The following FAM221A variants were observed in gnomAD, a reference collection of about 807,000 sequenced individuals.
The protein encoded by FAM221A is protein FAM221A.
In FAM221A, 43 loss-of-function variants were observed where a neutral mutation model predicts 37.6. The ratio of observed to expected loss-of-function variants is 1.15; its 90% CI spans 0.90 to 1.48. The LOEUF is 1.48. FAM221A is among the 40% of genes most tolerant of loss of function. The probability of loss-of-function intolerance (pLI) is 0.00; values close to 1 mark genes in which losing one functional copy is unlikely to be tolerated. For missense variants in FAM221A, 361 were observed against 361.5 expected (o/e 1.00, Z 0.01); for synonymous variants, 135 against 132.9 (o/e 1.02, Z -0.11).
At chr7:23,701,849 G>A (rs1212714398) in intron 6 of FAM221A, among the ~76,000 whole-genome samples, 1 of 152,104 alleles carries the variant, frequency 6.6e-6, no homozygotes, top group Non-Finnish European at 1.5e-5. Context: ...TAATTTTAGT[G>A]GCAATTGAAA....
At position 23,702,466 on chromosome 7, in the gene FAM221A, T is replaced by TA. The variant is rs917205115; in HGVS notation, c.*308dup. On this transcript the variant is annotated 3_prime_UTR_variant, in exon 7 of 7. Coordinates refer to ENST00000344962, the MANE Select transcript of FAM221A (RefSeq NM_199136.5). The stretch of plus-strand genomic sequence containing the variant: ...TAATAATTTAACTGTTTCAGGTATT[T>TA]AAAAAATTAAAGATATTATCAAGGG... The TA allele has an allele frequency of 5.0e-4, 89 of 176,684 alleles. No homozygotes were observed. Among genetic ancestry groups the TA allele is most frequent in the African/African-American group, 2.0e-3 (86 of 42,572 alleles). 10.9% of individuals were successfully genotyped at this position (176,684 alleles called of 1,614,324 possible). A position where few individuals can be genotyped will look rare whatever the true frequency, so the allele number is the denominator to read the frequency against.
intron 3 of FAM221A, 128 bp from the exon 4 acceptor site, chr7:23,691,262 G>A (rs1004072958): frequency 8.1e-6 from 6 of 740,840 alleles, no homozygotes; most frequent in African/African-American, 5.2e-5. Flanking sequence ...GAAGGAGTTC[G>A]GTGGCTGGAG....
rs867316869 is a variant in FAM221A, at chr7:23,700,834, A to T, written c.794A>T (p.Asp265Val). ...VSSLRRPEED[D>V]MAFFERRYQE... ...TCATTAAGGAGACCTGAAGAGGATG[A>T]TATGGCTTTCTTTGAAAGACGATAC... Residue 265 changes from aspartate to valine, a missense_variant, in exon 6 of 7, where the codon GAT becomes GTT. Physicochemically the swap from Asp to Val is radical, Grantham distance 152. Coordinates refer to ENST00000344962, the MANE Select transcript of FAM221A (RefSeq NM_199136.5). 5.0e-6 allele frequency: 8 copies of T among 1,609,740 alleles called. No homozygotes were observed. In the Middle Eastern group the frequency reaches 1.2e-3, roughly 233 times the overall value.
intron 1 of FAM221A, among the ~76,000 whole-genome samples, chr7:23,682,307 C>T (rs1784087796): frequency 6.6e-6 from 1 of 151,632 alleles, no homozygotes; most frequent in Non-Finnish European, 1.5e-5. Context: ...CTCAAGCAAT[C>T]CTCCCACCTC....
rs766535438 is a variant in FAM221A, at chr7:23,698,273, GTTC to G, written c.724_726del (p.Ser242del). 5.1e-6 allele frequency: 8 copies of G among 1,581,430 alleles called. No homozygotes were observed. The highest frequency in any genetic ancestry group is 2.3e-5 in the East Asian group (1 of 43,708). ...CTAAAAGCATTTCAAGCATCATCTAGTTCTTCTCCAGAAACGTTAACAGATGGT... is the reference window on the plus strand; with the variant it reads ...CTAAAAGCATTTCAAGCATCATCTAGTTCTCCAGAAACGTTAACAGATGGT... On this transcript the variant is annotated inframe_deletion, in exon 5 of 7. Transcript: ENST00000344962.
chr7:23,690,234 A>G (rs1342854666), intron 3 of FAM221A, among the ~76,000 whole-genome samples: 2 of 117,518 alleles, frequency 1.7e-5, no homozygotes, highest in Non-Finnish European at 3.4e-5. Flanking sequence ...TGCTCTTGTC[A>G]CCCAGGCTCT....
chr7:23,690,199 A>ATATATATATATATATTTTTT (rs774313037), intron 3 of FAM221A, among the ~76,000 whole-genome samples: 1 of 48,736 alleles, frequency 2.1e-5, no homozygotes, highest in Admixed American at 3.0e-4. Flanking sequence ...ATATATATAT[A>ATATATATATATATATTTTTT]TTTTTTTTTT....
intron 4 of FAM221A, chr7:23,692,088 T>G: frequency 2.2e-6 from 1 of 455,004 alleles, no homozygotes; most frequent in Non-Finnish European, 2.9e-6. Flanking sequence ...AAAATATGTA[T>G]ATATGTATGT....
chr7:23,692,269 T>A (rs184537666), intron 4 of FAM221A: 1 of 786,680 alleles, frequency 1.3e-6, no homozygotes, highest in African/African-American at 1.8e-5. Context: ...TAAGTTTTTT[T>A]TTTCTTTTTT....
chr7:23,689,225 T>A (rs1243603054), intron 2 of FAM221A, 44 bp from the exon 3 acceptor site: 33 of 1,267,696 alleles, frequency 2.6e-5, no homozygotes, highest in Non-Finnish European at 3.5e-5. Context: ...TTTTTGATAA[T>A]ACCTGTATTG....
chr7:23,686,561 C>T (rs965993864), intron 2 of FAM221A: 2 of 203,834 alleles, frequency 9.8e-6, no homozygotes, highest in African/African-American at 4.8e-5. Context: ...CCACCATGCT[C>T]AGCTGACCCA....
chr7:23,690,199 A>ATATATATATATATATTTTT (rs774313037), intron 3 of FAM221A, among the ~76,000 whole-genome samples: 4 of 48,736 alleles, frequency 8.2e-5, no homozygotes, highest in African/African-American at 1.7e-4. Context: ...ATATATATAT[A>ATATATATATATATATTTTT]TTTTTTTTTT....
rs200489420 is a variant in FAM221A, at chr7:23,683,345, C to A, written c.66-1154C>A. 9.8e-5 allele frequency among the ~76,000 whole-genome samples: 15 copies of A among 152,316 alleles called. No individual in the cohort carries two copies. In the East Asian group the frequency reaches 2.9e-3, roughly 29 times the overall value. On this transcript the variant is annotated intron_variant, in intron 1 of 6. Coordinates refer to ENST00000344962, the MANE Select transcript of FAM221A (RefSeq NM_199136.5). ...ACCCATGATAAACTTGATTACCTAA[C>A]ACACAGATGTGGTTGGAGCTTGTGC...
In FAM221A at chr7:23,689,491, A is replaced by G. The variant is rs755148945; in HGVS notation, c.430+32A>G. 3.5e-6 allele frequency: 5 copies of G among 1,447,528 alleles called. No individual in the cohort carries two copies. In the Admixed American group the frequency reaches 7.1e-5, roughly 20 times the overall value. The allele number at this position is 1,447,528 out of a possible 1,614,324, so 89.7% of individuals were successfully genotyped here. A position where few individuals can be genotyped will look rare whatever the true frequency, so the allele number is the denominator to read the frequency against. On this transcript the variant is annotated intron_variant, in intron 3 of 6. Transcript: ENST00000344962. ...TATATTATTATAAACACATAAACTC[A>G]GAATGTTTATATGTCTTCCTTGAAT...
intron 2 of FAM221A, chr7:23,688,616 AT>A (rs1268464290): frequency 6.6e-6 from 1 of 151,638 alleles, no homozygotes; most frequent in Non-Finnish European, 1.5e-5. Context: ...CAAAAATAAC[AT>A]TGGTAAAGAA....
chr7:23,680,357 G>A, intron 1 of FAM221A, 74 bp downstream of exon 1: 1 of 1,245,998 alleles, frequency 8.0e-7, no homozygotes. Context: ...GGCGCGAGCA[G>A]GGGCCCGGCG....
chr7:23,700,810 C>T lies in FAM221A; in HGVS notation c.770C>T (p.Ser257Leu), dbSNP rs1785377743. 6.2e-7 allele frequency: 1 copy of T among 1,606,140 alleles called. No homozygotes were observed. The highest frequency in any genetic ancestry group is 1.7e-5 in the Admixed American group (1 of 58,188). The change falls in exon 6 of 7, where the codon TCA becomes TTA. Residue 257 changes from serine to leucine, a missense_variant. Ser to Leu is a moderately radical substitution (Grantham distance 145, BLOSUM62 -2). Transcript: ENST00000344962. ...GTAGGTACAAGTAGTCAAGTTTCTTCATTAAGGAGACCTGAAGAGGATGAT... is the reference window on the plus strand; with the variant it reads ...GTAGGTACAAGTAGTCAAGTTTCTTTATTAAGGAGACCTGAAGAGGATGAT... Reference protein sequence around the residue: ...TDVGTSSQVSSLRRPEEDDMA... With the variant: ...TDVGTSSQVSLLRRPEEDDMA...
chr7:23,690,199 A>ATTTTT (rs398004023), intron 3 of FAM221A, among the ~76,000 whole-genome samples: 80 of 48,710 alleles, frequency 1.6e-3, no homozygotes, highest in African/African-American at 2.0e-3. Context: ...ATATATATAT[A>ATTTTT]TTTTTTTTTT....
At chr7:23,689,615 GA>G (rs1378068640) in intron 3 of FAM221A, among the ~76,000 whole-genome samples, 156 bp downstream of exon 3, 3 of 152,178 alleles carry the variant, frequency 2.0e-5, no homozygotes, top group Non-Finnish European at 4.4e-5. Context: ...CAACTAAGTA[GA>G]ATTCATTGGA....
Sources: allele counts gnomAD v4.1 joint callset (sites outside exome capture counted in the v4.1 genomes callset), GRCh38; gene constraint gnomAD v4.1.1; transcripts MANE v1.5; gene names NCBI Gene and HGNC (gene_info 2026-07-23, HGNC 2026-07-21).